GRAMD1B: variants seen among roughly 807,000 people sequenced by gnomAD.
The protein encoded by GRAMD1B is GRAM domain containing 1B.
A neutral mutation model predicts 99.7 loss-of-function variants in GRAMD1B; 37 were observed. That is an observed-to-expected ratio of 0.37 (90% CI 0.29 to 0.49). GRAMD1B has a LOEUF of 0.49. GRAMD1B is among the 20% of genes least tolerant of loss of function. GRAMD1B has a pLI of 0.98. For synonymous variants in GRAMD1B, 427 were observed against 387.6 expected, an observed-to-expected ratio of 1.10 and a Z score of -1.19; for missense variants, 888 against 1,009.2, an observed-to-expected ratio of 0.88 and a Z score of 1.63.
chr11:123,395,018 T>C (rs1367804798), intron 1 of GRAMD1B, among the ~76,000 whole-genome samples: 1 of 152,226 alleles, frequency 6.6e-6, no homozygotes, highest in African/African-American at 2.4e-5. Context: ...CACTTTCTAA[T>C]ACTGTTATGA....
rs891206089 is a variant in GRAMD1B at position 123,410,816 on chromosome 11, A to T, written c.-176+52017A>T. ...TTAGAAGACATGAGATCAGGCCCAC[A>T]CTCTGCCACTTAATTACCAAGTGAC... is the stretch of plus-strand genomic sequence containing the variant. On this transcript the variant is annotated intron_variant, in intron 1 of 20. Transcript: ENST00000638157. Among the ~76,000 whole-genome samples the T allele has an allele frequency of 2.0e-5, 3 of 151,868 alleles. No individual in the cohort carries two copies. The East Asian group carries it at 5.8e-4, about 29-fold the overall frequency.
At chr11:123,513,070 T>G (rs550917926) in intron 2 of GRAMD1B, among the ~76,000 whole-genome samples, 2 of 152,368 alleles carry the variant, frequency 1.3e-5, no homozygotes, top group Admixed American at 1.3e-4. Flanking sequence ...AAAAGCAGCT[T>G]GTAAGTAACT....
chr11:123,400,889 C>T (rs1947636780), intron 1 of GRAMD1B, among the ~76,000 whole-genome samples: 1 of 152,098 alleles, frequency 6.6e-6, no homozygotes, highest in Admixed American at 6.5e-5. Flanking sequence ...TATTACTACC[C>T]TCATTTTATA....
At chr11:123,488,399 C>A (rs1401151065) in intron 2 of GRAMD1B, among the ~76,000 whole-genome samples, 1 of 152,154 alleles carries the variant, frequency 6.6e-6, no homozygotes, top group Non-Finnish European at 1.5e-5. Flanking sequence ...GCTCTCCAGG[C>A]CGGGCATTTG....
chr11:123,521,683 G>GTTTAGGACA (rs760647983), intron 2 of GRAMD1B, among the ~76,000 whole-genome samples: 40 of 152,334 alleles, frequency 2.6e-4, no homozygotes, highest in East Asian at 5.8e-4. Flanking sequence ...CAACATCAAG[G>GTTTAGGACA]TTTAGGACAG....
At chr11:123,598,630 C>T in intron 7 of GRAMD1B, 6 of 1,353,836 alleles carry the variant, frequency 4.4e-6, no homozygotes, top group African/African-American at 2.9e-5. Context: ...GGGATCCTGC[C>T]ACATTTCAGT....
At chr11:123,589,614 TTATATA>T (rs71060517) in intron 4 of GRAMD1B, among the ~76,000 whole-genome samples, 1 of 128,276 alleles carries the variant, frequency 7.8e-6, no homozygotes, top group African/African-American at 3.5e-5. Context: ...TGGCTAATTT[TTATATA>T]TATATATATA....
intron 1 of GRAMD1B, among the ~76,000 whole-genome samples, chr11:123,369,933 C>T (rs1254326032): frequency 6.6e-6 from 1 of 151,722 alleles, no homozygotes; most frequent in Non-Finnish European, 1.5e-5. Context: ...GAAGGAATGC[C>T]CCTTTCTTGG....
At chr11:123,394,903 G>A (rs1357861499) in intron 1 of GRAMD1B, among the ~76,000 whole-genome samples, 1 of 152,184 alleles carries the variant, frequency 6.6e-6, no homozygotes, top group African/African-American at 2.4e-5. Flanking sequence ...TGACAGAAGA[G>A]TGGAAGAGAC....
chr11:123,371,941 C>A (rs1335173278), intron 1 of GRAMD1B, among the ~76,000 whole-genome samples: 1 of 152,124 alleles, frequency 6.6e-6, no homozygotes, highest in African/African-American at 2.4e-5. Context: ...ACCAAAAGAA[C>A]ACAGGTCTCT....
intron 1 of GRAMD1B, among the ~76,000 whole-genome samples, chr11:123,379,418 A>T (rs1043576855): frequency 6.6e-6 from 1 of 152,100 alleles, no homozygotes; most frequent in Non-Finnish European, 1.5e-5. Context: ...TAAAAAAAAA[A>T]CAAACTTCTA....
intron 7 of GRAMD1B, among the ~76,000 whole-genome samples, chr11:123,600,221 G>T (rs1054353946): frequency 1.3e-5 from 2 of 152,194 alleles, no homozygotes; most frequent in East Asian, 1.9e-4. Context: ...AGGGAGAAAA[G>T]CACTGAGGAA....
intron 2 of GRAMD1B, chr11:123,560,683 CGTGTGT>C (rs749623875): frequency 0.11 from 45,854 of 420,856 alleles, 1,377 homozygotes; most frequent in East Asian, 0.13. Flanking sequence ...ACGCCTGGTG[CGTGTGT>C]GTGTGTGTGT....
At chr11:123,545,837 G>A (rs1283922198) in intron 2 of GRAMD1B, among the ~76,000 whole-genome samples, 2 of 152,154 alleles carry the variant, frequency 1.3e-5, no homozygotes, top group Non-Finnish European at 2.9e-5. Flanking sequence ...TGGCTAAGCT[G>A]GCTTTTCTGT....
At chr11:123,413,071 C>T (rs1357181237) in intron 1 of GRAMD1B, among the ~76,000 whole-genome samples, 3 of 152,146 alleles carry the variant, frequency 2.0e-5, no homozygotes, top group Admixed American at 6.5e-5. Flanking sequence ...CGTGAGCCAC[C>T]GCACCCAGCC....
At chr11:123,412,589 G>T (rs1320490189) in intron 1 of GRAMD1B, among the ~76,000 whole-genome samples, 2 of 152,084 alleles carry the variant, frequency 1.3e-5, no homozygotes, top group African/African-American at 4.8e-5. Context: ...AGGATTGTAA[G>T]GTCAAAAGAT....
chr11:123,616,659 A>T lies in GRAMD1B; in HGVS notation c.2318+1824A>T, dbSNP rs978164789. ...CAGCCTACACGTGGGACGGGCTGAC[A>T]CAGCACAGCTTGCCCTGTGTCTGGC... On this transcript the variant is annotated intron_variant, in intron 17 of 19. Transcript: ENST00000635736. Among the ~76,000 whole-genome samples the T allele has an allele frequency of 3.9e-5, 6 of 152,382 alleles. No individual in the cohort carries two copies. In the East Asian group the frequency reaches 1.2e-3, roughly 29 times the overall value.
At chr11:123,478,147 C>T (rs1383436353) in intron 1 of GRAMD1B, among the ~76,000 whole-genome samples, 1 of 152,062 alleles carries the variant, frequency 6.6e-6, no homozygotes, top group Non-Finnish European at 1.5e-5. Context: ...TTCCGAGTAG[C>T]TGGGACTCCA....
chr11:123,481,289 T>C (rs1297742446), intron 2 of GRAMD1B, among the ~76,000 whole-genome samples: 1 of 152,154 alleles, frequency 6.6e-6, no homozygotes, highest in Admixed American at 6.5e-5. Flanking sequence ...GCCTCATCTC[T>C]ACTGAAACTA....
Sources: allele counts gnomAD v4.1 joint callset (sites outside exome capture counted in the v4.1 genomes callset), GRCh38; gene constraint gnomAD v4.1.1; transcripts MANE v1.5; gene names NCBI Gene and HGNC (gene_info 2026-07-23, HGNC 2026-07-21).